CLDN14: variants seen among roughly 807,000 people sequenced by gnomAD.
The protein encoded by CLDN14 is claudin 14.
A neutral mutation model predicts 2.1 loss-of-function variants in CLDN14; 2 were observed. The observed-to-expected ratio is 0.96, with a 90% CI of 0.39 to 3.01. The LOEUF is 3.01. Among genes scored for constraint, CLDN14 ranks in the 30% most tolerant of loss-of-function variants. CLDN14 has a pLI of 0.09. For missense variants in CLDN14, 298 were observed against 328.0 expected (o/e 0.91, Z 0.71); for synonymous variants, 136 against 154.4 (o/e 0.88, Z 0.88).
At chr21:36,486,676 AT>A (rs1345786682) in intron 2 of CLDN14, 15 of 1,363,956 alleles carry the variant, frequency 1.1e-5, no homozygotes, top group Non-Finnish European at 1.6e-5. Context: ...CTTCCCCCAA[AT>A]TTATCATGTC....
intron 1 of CLDN14, among the ~76,000 whole-genome samples, chr21:36,527,038 GC>G (rs1568870074): frequency 6.6e-6 from 1 of 152,158 alleles, no homozygotes; most frequent in African/African-American, 2.4e-5. Flanking sequence ...CAGAGATCAT[GC>G]CCCCCAAATA....
At chr21:36,514,622 AGTGT>A (rs34558148) in intron 1 of CLDN14, among the ~76,000 whole-genome samples, 439 of 33,698 alleles carry the variant, frequency 0.013, 2 homozygotes, top group South Asian at 0.048. Flanking sequence ...CGTGAGAGAA[AGTGT>A]GTGTGTGTGT....
chr21:36,534,483 C>T (rs750508163), intron 1 of CLDN14, among the ~76,000 whole-genome samples: 2 of 152,132 alleles, frequency 1.3e-5, no homozygotes, highest in African/African-American at 2.4e-5. Context: ...GACAACTCCC[C>T]GTCACATCTT....
intron 1 of CLDN14, among the ~76,000 whole-genome samples, chr21:36,546,910 C>T (rs1324005704): frequency 6.6e-6 from 1 of 152,292 alleles, no homozygotes; most frequent in African/African-American, 2.4e-5. Flanking sequence ...GGACATTTGG[C>T]AATGTCTGGA....
chr21:36,571,257 G>A (rs182167886), intron 1 of CLDN14, among the ~76,000 whole-genome samples: 50 of 152,360 alleles, frequency 3.3e-4, no homozygotes, highest in African/African-American at 1.2e-3. Context: ...AAATAAGCCG[G>A]TTAGAGCACA....
intron 2 of CLDN14, chr21:36,486,795 C>G: frequency 1.3e-6 from 1 of 767,708 alleles, no homozygotes. Flanking sequence ...GATTCTTGCC[C>G]CGTCAGCGCT....
chr21:36,554,225 C>T (rs774616428), intron 1 of CLDN14, among the ~76,000 whole-genome samples: 1 of 152,184 alleles, frequency 6.6e-6, no homozygotes, highest in African/African-American at 2.4e-5. Flanking sequence ...GCATCCCAAC[C>T]CCCCCAGGCC....
intron 1 of CLDN14, among the ~76,000 whole-genome samples, chr21:36,535,389 AAAAT>A (rs1397478304): frequency 6.8e-6 from 1 of 147,278 alleles, no homozygotes; most frequent in Non-Finnish European, 1.5e-5. Flanking sequence ...GACTCTCTCA[AAAAT>A]AAATACATAA....
At chr21:36,502,071 A>G (rs548574862) in intron 2 of CLDN14, among the ~76,000 whole-genome samples, 1 of 152,262 alleles carries the variant, frequency 6.6e-6, no homozygotes, top group South Asian at 2.1e-4. Flanking sequence ...TTCTTTCTTG[A>G]ATATTCTGTA....
Position 36,571,612 on chromosome 21 carries a change from G to A in CLDN14, c.-220+4799C>T, listed in dbSNP as rs141023445. Among the ~76,000 whole-genome samples the A allele has an allele frequency of 3.9e-5, 6 of 152,248 alleles. No individual in the cohort carries two copies. In the East Asian group the frequency reaches 9.7e-4, roughly 25 times the overall value. ...TTGGAAGGTTTCCAGTGAGATGAAG[G>A]GGGTGGTGCGTGTGAAGGAGTGAAC... On this transcript the variant is annotated intron_variant, in intron 1 of 2. Transcript: ENST00000342108.
Position 36,461,527 on chromosome 21 carries a change from G to A in CLDN14, c.169C>T (p.His57Tyr), listed in dbSNP as rs745601274. ...TGGCACTGGTAGATGCCTGTGCTGT[G>A]CCACACACACTCCATCCAGAGCCCT... is the stretch of plus-strand genomic sequence containing the variant. ...LKGLWMECVWHSTGIYQCQIY... is the reference protein window; with the variant it reads ...LKGLWMECVWYSTGIYQCQIY... The change falls in exon 2 of 2, where the codon CAC (histidine) becomes TAC (tyrosine). Residue 57 changes from histidine to tyrosine, a missense_variant. By Grantham distance (83) the His-to-Tyr change is moderately conservative. Transcript: ENST00000399135. 1.9e-6 allele frequency: 3 copies of A among 1,613,396 alleles called. No homozygotes were observed. Among genetic ancestry groups the A allele is most frequent in the Non-Finnish European group, 2.5e-6 (3 of 1,179,982 alleles).
chr21:36,507,236 A>G (rs998088783), intron 2 of CLDN14, among the ~76,000 whole-genome samples: 7 of 152,260 alleles, frequency 4.6e-5, no homozygotes, highest in African/African-American at 1.7e-4. Flanking sequence ...AAGGGACATC[A>G]ACAAGGAAAA....
intron 1 of CLDN14, among the ~76,000 whole-genome samples, chr21:36,553,986 G>T (rs991469929): frequency 6.6e-6 from 1 of 152,118 alleles, no homozygotes; most frequent in African/African-American, 2.4e-5. Flanking sequence ...GCCTTCAATT[G>T]TCTCTAGAGA....
At position 36,498,961 on chromosome 21, in the gene CLDN14, G is replaced by A. The variant is rs2087066659; in HGVS notation, c.-82+11402C>T. Among the ~76,000 whole-genome samples the A allele has an allele frequency of 6.6e-6, 1 of 152,120 alleles. No individual in the cohort carries two copies. Among genetic ancestry groups the A allele is most frequent in the South Asian group, 2.1e-4 (1 of 4,812 alleles). ...TTTTTGTAATTCAGCCACCCAGATGGGAGTGTCCTCTTGCACTCCATCCAT... is the reference window on the plus strand; with the variant it reads ...TTTTTGTAATTCAGCCACCCAGATGAGAGTGTCCTCTTGCACTCCATCCAT... On this transcript the variant is annotated intron_variant, in intron 2 of 2. Transcript: ENST00000342108. The surrounding 1 kb of genome is among the most constrained non-coding windows in gnomAD (Gnocchi z 4.9).
chr21:36,554,142 G>T (rs188091241), intron 1 of CLDN14, among the ~76,000 whole-genome samples: 6 of 152,252 alleles, frequency 3.9e-5, no homozygotes, highest in Admixed American at 3.3e-4. Flanking sequence ...GGATGTGTCT[G>T]CCTTGTTCTC....
At chr21:36,501,332 CTTTTTTTTTTT>C (rs58458004) in intron 2 of CLDN14, among the ~76,000 whole-genome samples, 489 of 48,400 alleles carry the variant, frequency 0.01, 4 homozygotes, top group African/African-American at 0.022. Flanking sequence ...CAATATCTCA[CTTTTTTTTTTT>C]TTTTTTTTTT....
At chr21:36,470,653 A>G (rs1367820508) in intron 1 of CLDN14, among the ~76,000 whole-genome samples, 1 of 152,212 alleles carries the variant, frequency 6.6e-6, no homozygotes, top group Non-Finnish European at 1.5e-5. Flanking sequence ...ACAGCAGAGT[A>G]GCTGAATGGT....
At chr21:36,497,845 G>C (rs1466107409) in intron 2 of CLDN14, among the ~76,000 whole-genome samples, 1 of 152,166 alleles carries the variant, frequency 6.6e-6, no homozygotes, top group Non-Finnish European at 1.5e-5. Context: ...ATTCCGGGGG[G>C]CTGGGTGGGG....
chr21:36,521,082 A>G (rs1178410729), intron 1 of CLDN14, among the ~76,000 whole-genome samples: 2 of 132,734 alleles, frequency 1.5e-5, no homozygotes, highest in Non-Finnish European at 3.0e-5. Context: ...AGAAAGAAAG[A>G]AAAAAAAATC....
Sources: allele counts gnomAD v4.1 joint callset (sites outside exome capture counted in the v4.1 genomes callset), GRCh38; gene constraint gnomAD v4.1.1; non-coding constraint Gnocchi (gnomAD v3.1); transcripts MANE v1.5; gene names NCBI Gene and HGNC (gene_info 2026-07-23, HGNC 2026-07-21).